OPRD1: variants seen among roughly 807,000 people sequenced by gnomAD.
OPRD1 encodes the protein opioid receptor delta 1, also known as delta-type opioid receptor.
In OPRD1, 19 loss-of-function variants were observed where a neutral mutation model predicts 17.5. The observed-to-expected ratio is 1.09, with a 90% CI of 0.76 to 1.60. OPRD1 has a LOEUF of 1.60. Among genes scored for constraint, OPRD1 ranks in the 40% most tolerant of loss-of-function variants. OPRD1 has a pLI of 0.00. For missense variants in OPRD1, 483 were observed against 547.2 expected (o/e 0.88, Z 1.17); for synonymous variants, 256 against 240.9 (o/e 1.06, Z -0.58).
At chr1:28,824,300 CT>C (rs1281259010) in intron 1 of OPRD1, among the ~76,000 whole-genome samples, 38 of 141,244 alleles carry the variant, frequency 2.7e-4, no homozygotes, top group African/African-American at 9.6e-4. Flanking sequence ...GATGATGGTT[CT>C]TTTTCTTTTT....
At chr1:28,858,090 C>T (rs2147749716) in intron 1 of OPRD1, among the ~76,000 whole-genome samples, 1 of 149,854 alleles carries the variant, frequency 6.7e-6, no homozygotes, top group African/African-American at 2.5e-5. Context: ...CCACCACACC[C>T]GGCCTAGGAT....
chr1:28,844,272 T>C (rs2088920901), intron 1 of OPRD1, among the ~76,000 whole-genome samples: 1 of 152,080 alleles, frequency 6.6e-6, no homozygotes, highest in Admixed American at 6.6e-5. Flanking sequence ...TTCATGGGCT[T>C]ATTGGCCATT....
chr1:28,859,756 T>C (rs914449288), intron 2 of OPRD1, among the ~76,000 whole-genome samples: 4 of 152,158 alleles, frequency 2.6e-5, no homozygotes, highest in African/African-American at 9.7e-5. Flanking sequence ...TAAACTCCCT[T>C]TCATCCTAAT....
At position 28,862,961 on chromosome 1, in the gene OPRD1, T is replaced by C; in HGVS notation, c.797T>C (p.Val266Ala). ...LRRITRMVLV[V>A]VGAFVVCWAP... ...CGCATCACGCGCATGGTGCTGGTGGTTGTGGGCGCCTTCGTGGTGTGTTGG... is the reference window on the plus strand; with the variant it reads ...CGCATCACGCGCATGGTGCTGGTGGCTGTGGGCGCCTTCGTGGTGTGTTGG... The change falls in exon 3 of 3, where the codon GTT becomes GCT. Residue 266 changes from valine (V) to alanine (A), a missense_variant. Coordinates refer to ENST00000234961, the MANE Select transcript of OPRD1 (RefSeq NM_000911.4). 1 of 1,612,408 alleles carries C rather than the reference T, an allele frequency of 6.2e-7. No homozygotes were observed. Among genetic ancestry groups the C allele is most frequent in the Non-Finnish European group, 8.5e-7 (1 of 1,179,482 alleles).
intron 1 of OPRD1, among the ~76,000 whole-genome samples, chr1:28,839,327 C>G (rs1486599002): frequency 6.6e-6 from 1 of 152,130 alleles, no homozygotes; most frequent in East Asian, 1.9e-4. Flanking sequence ...CTGTGTGTCT[C>G]TTACAAGGAC....
At chr1:28,861,700 C>T (rs968176803) in intron 2 of OPRD1, among the ~76,000 whole-genome samples, 7 of 152,048 alleles carry the variant, frequency 4.6e-5, no homozygotes, top group African/African-American at 1.7e-4. Context: ...CTGCCTCAGC[C>T]TCCCAAAGTG....
At chr1:28,833,130 A>T (rs916722243) in intron 1 of OPRD1, among the ~76,000 whole-genome samples, 1 of 152,178 alleles carries the variant, frequency 6.6e-6, no homozygotes, top group Non-Finnish European at 1.5e-5. Context: ...TCTTCACAAC[A>T]CTTCTATGAG....
chr1:28,818,753 C>A (rs148345885), intron 1 of OPRD1, among the ~76,000 whole-genome samples: 2 of 152,198 alleles, frequency 1.3e-5, no homozygotes, highest in Non-Finnish European at 2.9e-5. Flanking sequence ...TAGAGTAGCC[C>A]CAGGTAATTG....
chr1:28,855,747 G>A (rs866327208), intron 1 of OPRD1, among the ~76,000 whole-genome samples: 16 of 152,226 alleles, frequency 1.1e-4, no homozygotes, highest in Admixed American at 4.6e-4. Context: ...ATTGTTCTGC[G>A]TAAGAGCAGA....
chr1:28,862,073 G>A (rs971155164), intron 2 of OPRD1, among the ~76,000 whole-genome samples: 14 of 151,878 alleles, frequency 9.2e-5, no homozygotes, highest in East Asian at 7.8e-4. Context: ...CACCATGCCC[G>A]GCTAATTTTT....
At chr1:28,837,743 T>G (rs1011715184) in intron 1 of OPRD1, among the ~76,000 whole-genome samples, 18 of 150,992 alleles carry the variant, frequency 1.2e-4, no homozygotes, top group African/African-American at 4.4e-4. Context: ...AGGCTGGTCT[T>G]GAACTCCTGG....
intron 1 of OPRD1, among the ~76,000 whole-genome samples, chr1:28,820,169 T>C (rs936007888): frequency 4.6e-5 from 7 of 152,022 alleles, no homozygotes; most frequent in Non-Finnish European, 5.9e-5. Context: ...TTGATTGACA[T>C]TTATCGAGCC....
At position 28,857,225 on chromosome 1, in the gene OPRD1, T is replaced by C. The variant is rs114448598; in HGVS notation, c.228-1729T>C. On this transcript the variant is annotated intron_variant, in intron 1 of 2. Coordinates refer to ENST00000234961, the MANE Select transcript of OPRD1 (RefSeq NM_000911.4). Reference sequence around the variant, plus strand: ...ATCAGGCTTGGAGCTAAGTGCTGTGTTAGCTTATTAAATTTTCACAGCCAT... The same window carrying C: ...ATCAGGCTTGGAGCTAAGTGCTGTGCTAGCTTATTAAATTTTCACAGCCAT... Among the ~76,000 whole-genome samples the C allele has an allele frequency of 4.5e-3, 680 of 152,282 alleles. 6 individuals are homozygous for C. Among genetic ancestry groups the C allele is most frequent in the African/African-American group, 0.015 (622 of 41,578 alleles).
In OPRD1 at chr1:28,852,094, G is replaced by C. The variant is rs537797985; in HGVS notation, c.228-6860G>C. ...AGGCAGGAGAATGGCATGAACCTGG[G>C]AGGCGGAGCTTGGAGTGAGCCGAGA... On this transcript the variant is annotated intron_variant, in intron 1 of 2. Coordinates refer to ENST00000234961, the MANE Select transcript of OPRD1 (RefSeq NM_000911.4). Among the ~76,000 whole-genome samples, 4 of 150,632 alleles carry C rather than the reference G, an allele frequency of 2.7e-5. No individual in the cohort carries two copies. The East Asian group carries it at 7.8e-4, about 29-fold the overall frequency.
At chr1:28,852,928 C>T (rs910303212) in intron 1 of OPRD1, among the ~76,000 whole-genome samples, 1 of 152,060 alleles carries the variant, frequency 6.6e-6, no homozygotes, top group African/African-American at 2.4e-5. Flanking sequence ...CTATGTTGGC[C>T]AGGCTAATCT....
At chr1:28,858,379 G>T (rs930580369) in intron 1 of OPRD1, among the ~76,000 whole-genome samples, 1 of 151,914 alleles carries the variant, frequency 6.6e-6, no homozygotes, top group East Asian at 1.9e-4. Flanking sequence ...CTCCCAAAGT[G>T]CTGGGATTAC....
rs1485185477 is a variant in OPRD1 at position 28,869,076 on chromosome 1, C to T, written c.*5793C>T. The stretch of plus-strand genomic sequence containing the variant: ...GAAGCCGGCCCCAGCGGCCCCAAAG[C>T]CCCTAGGAAGTGACCACCCCCCATC... On this transcript the variant is annotated 3_prime_UTR_variant, in exon 3 of 3. Transcript: ENST00000234961. 1 of 152,368 alleles carries T rather than the reference C, an allele frequency of 6.6e-6. No homozygotes were observed. The highest frequency in any genetic ancestry group is 1.5e-5 in the Non-Finnish European group (1 of 68,214). The allele number at this position is 152,368 out of a possible 1,614,324, so 9.4% of individuals were successfully genotyped here. A position where few individuals can be genotyped will look rare whatever the true frequency, so the allele number is the denominator to read the frequency against.
rs775999641 is a variant in OPRD1 at position 28,862,904 on chromosome 1, C to G, written c.740C>G (p.Ser247Trp). ...CGCCTGCGCAGTGTGCGCCTGCTGT[C>G]GGGCTCCAAGGAGAAGGACCGCAGC... is the stretch of plus-strand genomic sequence containing the variant. ...LLRLRSVRLLSGSKEKDRSLR... is the reference protein window; with the variant it reads ...LLRLRSVRLLWGSKEKDRSLR... Residue 247 changes from serine to tryptophan, a missense_variant, in exon 3 of 3, where the codon TCG (serine) becomes TGG (tryptophan). Physicochemically the swap from Ser to Trp is radical, Grantham distance 177. Transcript: ENST00000234961. 6.2e-7 allele frequency: 1 copy of G among 1,612,608 alleles called. No homozygotes were observed. The highest frequency in any genetic ancestry group is 1.1e-5 in the South Asian group (1 of 91,068).
intron 1 of OPRD1, among the ~76,000 whole-genome samples, chr1:28,846,854 C>CTTTCTTTCTTTCT (rs2088953430): frequency 3.3e-4 from 18 of 54,284 alleles, no homozygotes; most frequent in African/African-American, 8.9e-4. Flanking sequence ...TCTTTTCTTT[C>CTTTCTTTCTTTCT]TTTCTTTCTT....
Sources: gnomAD v4.1 joint callset for allele counts (sites outside exome capture counted in the v4.1 genomes callset) on GRCh38, gnomAD v4.1.1 for gene constraint, MANE v1.5 for transcripts, NCBI Gene and HGNC (gene_info 2026-07-23, HGNC 2026-07-21) for gene names.